The following SNX9 variants were observed in gnomAD, a reference collection of about 807,000 sequenced individuals.
The protein encoded by SNX9 is sorting nexin-9.
A neutral mutation model predicts 89.4 loss-of-function variants in SNX9; 44 were observed. That is an observed-to-expected ratio of 0.49 (90% CI 0.39 to 0.63). SNX9 has a LOEUF of 0.63. Among genes scored for constraint, SNX9 ranks in the 30% least tolerant of loss-of-function variants. The pLI, the probability that SNX9 is intolerant of heterozygous loss-of-function variation, is 0.00. For synonymous variants in SNX9, 236 were observed against 247.8 expected, an observed-to-expected ratio of 0.95 and a Z score of 0.45; for missense variants, 578 against 736.1, an observed-to-expected ratio of 0.79 and a Z score of 2.49.
At chr6:157,936,751 G>A (rs1231960657) in intron 14 of SNX9, among the ~76,000 whole-genome samples, 1 of 152,236 alleles carries the variant, frequency 6.6e-6, no homozygotes, top group Non-Finnish European at 1.5e-5. Context: ...CCCCAGGACA[G>A]GGTAGGTCCT....
intron 13 of SNX9, among the ~76,000 whole-genome samples, chr6:157,932,694 C>G (rs7757104): frequency 0.22 from 32,611 of 150,828 alleles, 3,585 homozygotes; most frequent in Non-Finnish European, 0.23. Flanking sequence ...GGTGAGACCC[C>G]CATCTCTACA....
chr6:157,846,948 G>A (rs534588714), intron 1 of SNX9, among the ~76,000 whole-genome samples: 2 of 152,300 alleles, frequency 1.3e-5, no homozygotes, highest in African/African-American at 4.8e-5. Context: ...TTGGGAGGCT[G>A]AGGGATGAGA....
intron 1 of SNX9, among the ~76,000 whole-genome samples, chr6:157,861,619 T>C (rs1261494037): frequency 6.6e-6 from 1 of 152,172 alleles, no homozygotes; most frequent in East Asian, 1.9e-4. Context: ...AAGCGCAAGG[T>C]TGAGCAAAAG....
Position 157,906,189 on chromosome 6 carries a change from C to T in SNX9, c.682C>T (p.Pro228Ser). ...QYLLAKQLAK[P>S]KEKIPIIVGD... is the part of the protein sequence containing the mutation. ...TTTGTTGGCCAAACAACTAGCAAAACCCAAAGAGAAAATTCCCATCATTGT... is the reference window on the plus strand; with the variant it reads ...TTTGTTGGCCAAACAACTAGCAAAATCCAAAGAGAAAATTCCCATCATTGT... The change falls in exon 7 of 18, where the codon CCC becomes TCC. Residue 228 changes from proline (P) to serine (S), a missense_variant. By Grantham distance (74) the Pro-to-Ser change is moderately conservative. This residue lies in a region of SNX9 where 348 missense variants were observed against 491.4 expected (regional missense o/e 0.71). Coordinates refer to ENST00000392185, the MANE Select transcript of SNX9 (RefSeq NM_016224.5). 6.3e-7 allele frequency: 1 copy of T among 1,592,116 alleles called. No individual in the cohort carries two copies. The highest frequency in any genetic ancestry group is 8.5e-7 in the Non-Finnish European group (1 of 1,174,400).
intron 1 of SNX9, among the ~76,000 whole-genome samples, chr6:157,861,222 C>T (rs1172535571): frequency 1.3e-5 from 2 of 152,152 alleles, no homozygotes; most frequent in African/African-American, 2.4e-5. Flanking sequence ...GTTCTATCAT[C>T]TTGACTATAC....
chr6:157,870,077 ACT>A (rs1193639772), intron 2 of SNX9, among the ~76,000 whole-genome samples: 1 of 137,116 alleles, frequency 7.3e-6, no homozygotes, highest in Non-Finnish European at 1.6e-5. Context: ...CACCCTCTTC[ACT>A]CTCACTTGCC....
At chr6:157,882,823 A>G (rs891365144) in intron 4 of SNX9, among the ~76,000 whole-genome samples, 2 of 152,194 alleles carry the variant, frequency 1.3e-5, no homozygotes, top group Admixed American at 6.5e-5. Flanking sequence ...CTGAGATGGA[A>G]TCTATTCGTG....
At chr6:157,926,080 GC>G (rs944565749) in intron 10 of SNX9, among the ~76,000 whole-genome samples, 2 of 152,140 alleles carry the variant, frequency 1.3e-5, no homozygotes, top group African/African-American at 4.8e-5. Context: ...CTTCTTAAAG[GC>G]CCCACCTCTT....
chr6:157,879,426 C>T (rs950728722), intron 4 of SNX9, among the ~76,000 whole-genome samples: 5 of 152,142 alleles, frequency 3.3e-5, no homozygotes, highest in Non-Finnish European at 4.4e-5. Flanking sequence ...CACACACATA[C>T]ACACACACCA....
chr6:157,831,274 A>G (rs1199757250), intron 1 of SNX9, among the ~76,000 whole-genome samples: 11 of 152,146 alleles, frequency 7.2e-5, no homozygotes, highest in East Asian at 1.9e-4. Context: ...TGGGAATCCT[A>G]TTACCTAGAT....
chr6:157,829,933 G>C (rs562561571), intron 1 of SNX9, among the ~76,000 whole-genome samples: 2 of 152,266 alleles, frequency 1.3e-5, no homozygotes, highest in South Asian at 4.1e-4. Context: ...GAAGGTTTGT[G>C]TTATAAGTCT....
chr6:157,848,339 GA>G (rs1463654432), intron 1 of SNX9, among the ~76,000 whole-genome samples: 1 of 152,146 alleles, frequency 6.6e-6, no homozygotes, highest in Admixed American at 6.5e-5. Flanking sequence ...GCTTTAAGCA[GA>G]AAAAACTGGG....
intron 10 of SNX9, among the ~76,000 whole-genome samples, chr6:157,925,070 T>A (rs1783662426): frequency 6.6e-6 from 1 of 152,192 alleles, no homozygotes; most frequent in Non-Finnish European, 1.5e-5. Context: ...GAACTTCTTT[T>A]TTCAGCCATG....
At position 157,936,153 on chromosome 6, in the gene SNX9, GT is replaced by G. The variant is rs1001713434; in HGVS notation, c.1443+116del. ...CCAAATAAGTACCCTCTTCTTTTCT[GT>G]TTCTGTGTATCTTTTTTAATTGTGT... On this transcript the variant is annotated intron_variant, in intron 14 of 17. Transcript: ENST00000392185. The G allele has an allele frequency of 4.2e-6, 3 of 710,554 alleles. No homozygotes were observed. In the African/African-American group the frequency reaches 5.6e-5, roughly 13 times the overall value. 44.0% of individuals were successfully genotyped at this position (710,554 alleles called of 1,614,324 possible). A position where few individuals can be genotyped will look rare whatever the true frequency, so the allele number is the denominator to read the frequency against.
At chr6:157,853,475 A>G (rs1014853757) in intron 1 of SNX9, among the ~76,000 whole-genome samples, 1 of 151,796 alleles carries the variant, frequency 6.6e-6, no homozygotes, top group African/African-American at 2.4e-5. Context: ...TGGGATCTGT[A>G]GGTTATAGTT....
chr6:157,899,954 G>C (rs1159097792), intron 5 of SNX9, among the ~76,000 whole-genome samples: 3 of 151,800 alleles, frequency 2.0e-5, no homozygotes, highest in African/African-American at 7.3e-5. Context: ...TGTGGTAAGA[G>C]CACCTAAAAT....
At chr6:157,933,315 A>G (rs995310326) in intron 13 of SNX9, among the ~76,000 whole-genome samples, 2 of 152,094 alleles carry the variant, frequency 1.3e-5, no homozygotes, top group Non-Finnish European at 2.9e-5. Flanking sequence ...AAGAAAAAGC[A>G]TTTGTCAGCT....
At chr6:157,838,844 C>T (rs1781637938) in intron 1 of SNX9, among the ~76,000 whole-genome samples, 1 of 152,186 alleles carries the variant, frequency 6.6e-6, no homozygotes, top group Admixed American at 6.5e-5. Flanking sequence ...ACTGGTTAAA[C>T]TAAGCCACTC....
intron 1 of SNX9, among the ~76,000 whole-genome samples, chr6:157,859,444 A>G (rs564593091): frequency 2.3e-4 from 35 of 152,308 alleles, no homozygotes; most frequent in Admixed American, 5.9e-4. Context: ...TTGCTGTATA[A>G]TATTCCATTT....
Sources: allele counts gnomAD v4.1 joint callset (sites outside exome capture counted in the v4.1 genomes callset), GRCh38; gene constraint gnomAD v4.1.1; regional missense constraint gnomAD v4.1.1; transcripts MANE v1.5; gene names NCBI Gene and HGNC (gene_info 2026-07-23, HGNC 2026-07-21).